The following TMPRSS15 variants were observed in gnomAD, a reference collection of about 807,000 sequenced individuals.
TMPRSS15 encodes the protein transmembrane serine protease 15.
A neutral mutation model predicts 125.3 loss-of-function variants in TMPRSS15; 128 were observed. The ratio of observed to expected loss-of-function variants is 1.02; its 90% confidence interval spans 0.89 to 1.18. The LOEUF (loss-of-function observed/expected upper bound fraction) is 1.18, where lower values mean the gene tolerates loss of function less well. Among genes scored for constraint, TMPRSS15 ranks in the 50% most tolerant of loss-of-function variants. TMPRSS15 has a pLI of 0.00. For missense variants in TMPRSS15, 1,283 were observed against 1,212.7 expected (o/e 1.06, Z -0.86); for synonymous variants, 446 against 423.2 (o/e 1.05, Z -0.66).
intron 13 of TMPRSS15, among the ~76,000 whole-genome samples, chr21:18,338,792 A>T (rs1456545475): frequency 6.6e-6 from 1 of 152,132 alleles, no homozygotes; most frequent in Non-Finnish European, 1.5e-5. Flanking sequence ...ATCACCAATT[A>T]TTGTGATGTT....
chr21:18,282,085 A>G (rs543607760), intron 21 of TMPRSS15, among the ~76,000 whole-genome samples: 147 of 144,512 alleles, frequency 1.0e-3, no homozygotes, highest in African/African-American at 3.5e-3. Context: ...GAGACAAAGC[A>G]AGACTCCGCC....
intron 1 of TMPRSS15, among the ~76,000 whole-genome samples, chr21:18,434,073 T>A (rs1260596630): frequency 6.6e-6 from 1 of 152,152 alleles, no homozygotes; most frequent in African/African-American, 2.4e-5. Context: ...TAAATTAATC[T>A]CTCCTTTGTT....
rs78992403 is a variant in TMPRSS15, at chr21:18,448,151, A to G, written c.10+37648T>C. ...AATTAAATCAGTATGTTGAAGAGGTATCTACATTTCTATGTTTATTGAAAC... is the reference window on the plus strand; with the variant it reads ...AATTAAATCAGTATGTTGAAGAGGTGTCTACATTTCTATGTTTATTGAAAC... On this transcript the variant is annotated intron_variant, in intron 1 of 7. Transcript: ENST00000422787. Among the ~76,000 whole-genome samples, 811 of 152,310 alleles carry G rather than the reference A, an allele frequency of 5.3e-3. 5 individuals carry two copies. The highest frequency in any genetic ancestry group is 0.017 in the Middle Eastern group (5 of 294).
At chr21:18,380,308 A>T (rs928385000) in intron 4 of TMPRSS15, among the ~76,000 whole-genome samples, 1 of 152,072 alleles carries the variant, frequency 6.6e-6, no homozygotes, top group African/African-American at 2.4e-5. Context: ...AAAGTTTAAA[A>T]TATGAAAGGA....
intron 16 of TMPRSS15, among the ~76,000 whole-genome samples, chr21:18,321,768 A>T (rs903665969): frequency 3.3e-5 from 5 of 152,208 alleles, no homozygotes; most frequent in African/African-American, 7.2e-5. Flanking sequence ...TCCACAGCCA[A>T]GTCCCTGTTT....
At position 18,282,108 on chromosome 21, in the gene TMPRSS15, A is replaced by C. The variant is rs1219012519; in HGVS notation, c.2487-887T>G. Reference sequence around the variant, plus strand: ...GCAAGACTCCGCCTCAAAAAAAAAAAAAAAAAAAAAAAAAAAAGTAAACAG... The same window carrying C: ...GCAAGACTCCGCCTCAAAAAAAAAACAAAAAAAAAAAAAAAAAGTAAACAG... On this transcript the variant is annotated intron_variant, in intron 21 of 24. Coordinates refer to ENST00000284885, the MANE Select transcript of TMPRSS15 (RefSeq NM_002772.3). Among the ~76,000 whole-genome samples, 254 of 150,622 alleles carry C rather than the reference A, an allele frequency of 1.7e-3. 1 individual carries two copies. Among genetic ancestry groups the C allele is most frequent in the African/African-American group, 5.6e-3 (232 of 41,196 alleles).
chr21:18,353,094 A>G, intron 9 of TMPRSS15, 42 bp from the exon 10 acceptor site: 1 of 1,543,466 alleles, frequency 6.5e-7, no homozygotes, highest in Non-Finnish European at 8.9e-7. Context: ...AATTTAGTCC[A>G]TAATGTGAGT....
rs1045807689 is a variant in TMPRSS15, at chr21:18,434,030, C to G, written c.11-35701G>C. Among the ~76,000 whole-genome samples the G allele has an allele frequency of 7.2e-5, 11 of 152,280 alleles. No individual in the cohort carries two copies. In the East Asian group the frequency reaches 1.9e-3, roughly 27 times the overall value. ...GGTAAGGAGCTCTTTCACATGGATC[C>G]ATTTGTTATACTACTGCTCTGCGGT... On this transcript the variant is annotated intron_variant, in intron 1 of 7. Transcript: ENST00000422787.
chr21:18,408,173 C>T (rs1201339791), upstream of TMPRSS15, among the ~76,000 whole-genome samples: 1 of 152,122 alleles, frequency 6.6e-6, no homozygotes, highest in Non-Finnish European at 1.5e-5. Context: ...ACCATGTGCA[C>T]AACATATAGT....
chr21:18,340,044 C>T (rs2075431613), intron 13 of TMPRSS15, among the ~76,000 whole-genome samples: 2 of 152,154 alleles, frequency 1.3e-5, no homozygotes, highest in South Asian at 4.1e-4. Context: ...TACAAAGGTA[C>T]TGTGATAGTT....
At chr21:18,348,368 G>A (rs2075531214) in intron 10 of TMPRSS15, among the ~76,000 whole-genome samples, 1 of 152,116 alleles carries the variant, frequency 6.6e-6, no homozygotes, top group African/African-American at 2.4e-5. Context: ...AAACTTCTGA[G>A]CATGTGCTGA....
chr21:18,477,087 A>G (rs1336371728), intron 1 of TMPRSS15, among the ~76,000 whole-genome samples: 1 of 152,144 alleles, frequency 6.6e-6, no homozygotes, highest in Non-Finnish European at 1.5e-5. Context: ...TGAGGGCAAA[A>G]GTTAATATGA....
At chr21:18,299,001 G>A (rs974040702) in intron 18 of TMPRSS15, among the ~76,000 whole-genome samples, 3 of 152,174 alleles carry the variant, frequency 2.0e-5, no homozygotes, top group Admixed American at 6.5e-5. Flanking sequence ...TGGGACAATA[G>A]ATGTCTATTT....
At chr21:18,327,697 T>C (rs2075305876) in intron 15 of TMPRSS15, among the ~76,000 whole-genome samples, 1 of 151,104 alleles carries the variant, frequency 6.6e-6, no homozygotes, top group Non-Finnish European at 1.5e-5. Context: ...ACATGATGAA[T>C]ACAAGTCCAA....
rs147981493 is a variant in TMPRSS15 at position 18,367,852 on chromosome 21, T to C, written c.665-2604A>G. On this transcript the variant is annotated intron_variant, in intron 6 of 24. Coordinates refer to ENST00000284885, the MANE Select transcript of TMPRSS15 (RefSeq NM_002772.3). ...GCCTCCTAGCTTACAAGCAACAATTTAAAGCAAGGCAGCCTTATTCTAGAG... is the reference window on the plus strand; with the variant it reads ...GCCTCCTAGCTTACAAGCAACAATTCAAAGCAAGGCAGCCTTATTCTAGAG... 2.6e-3 allele frequency among the ~76,000 whole-genome samples: 390 copies of C among 152,244 alleles called. 6 individuals carry two copies. Among genetic ancestry groups the C allele is most frequent in the African/African-American group, 8.5e-3 (355 of 41,536 alleles).
At chr21:18,280,390 C>T (rs113206253) in intron 22 of TMPRSS15, among the ~76,000 whole-genome samples, 10,703 of 151,964 alleles carry the variant, frequency 0.07, 1,099 homozygotes, top group African/African-American at 0.23. Context: ...TCCTGGCCAA[C>T]ATGGTGAAAC....
At chr21:18,332,028 G>A in intron 14 of TMPRSS15, 56 bp downstream of exon 14, 1 of 1,465,934 alleles carries the variant, frequency 6.8e-7, no homozygotes, top group Admixed American at 1.7e-5. Context: ...GTCAAGGGGA[G>A]ATCTACATTT....
intron 1 of TMPRSS15, among the ~76,000 whole-genome samples, chr21:18,478,424 G>A (rs113780392): frequency 5.9e-5 from 9 of 151,948 alleles, no homozygotes; most frequent in African/African-American, 2.2e-4. Context: ...AAATAAATAG[G>A]GTAATACAGA....
chr21:18,480,085 G>C (rs1444598484), intron 1 of TMPRSS15, among the ~76,000 whole-genome samples: 1 of 152,008 alleles, frequency 6.6e-6, no homozygotes, highest in Non-Finnish European at 1.5e-5. Context: ...CATGTCCTTT[G>C]CAGGGACATG....
Sources: allele counts gnomAD v4.1 joint callset (sites outside exome capture counted in the v4.1 genomes callset), GRCh38; gene constraint gnomAD v4.1.1; transcripts MANE v1.5; gene names NCBI Gene and HGNC (gene_info 2026-07-23, HGNC 2026-07-21).